The following GLRA3 variants were observed in gnomAD, a reference collection of about 807,000 sequenced individuals.
The protein encoded by GLRA3 is glycine receptor subunit alpha-3.
In GLRA3, 44 loss-of-function variants were observed where a neutral mutation model predicts 60.4. That is an observed-to-expected ratio of 0.73 (90% CI 0.57 to 0.94). The LOEUF (loss-of-function observed/expected upper bound fraction) is 0.94, where lower values mean the gene tolerates loss of function less well. Ranked by LOEUF, GLRA3 falls within the 40% of genes least tolerant of loss-of-function variation. GLRA3 has a pLI of 0.00. For synonymous variants in GLRA3, 223 were observed against 192.9 expected, an observed-to-expected ratio of 1.16 and a Z score of -1.29; for missense variants, 508 against 564.6, an observed-to-expected ratio of 0.90 and a Z score of 1.02.
chr4:174,679,557 G>T (rs979461253), intron 6 of GLRA3, among the ~76,000 whole-genome samples: 3 of 152,046 alleles, frequency 2.0e-5, no homozygotes, highest in Non-Finnish European at 4.4e-5. Context: ...CCAAAAGAAA[G>T]AAAATCAGTG....
chr4:174,698,108 A>G (rs1476316218), intron 5 of GLRA3, among the ~76,000 whole-genome samples: 1 of 152,130 alleles, frequency 6.6e-6, no homozygotes, highest in Non-Finnish European at 1.5e-5. Flanking sequence ...CACTTTAGCA[A>G]TATCTGAAAG....
chr4:174,741,701 C>T (rs1737033557), intron 3 of GLRA3, among the ~76,000 whole-genome samples: 1 of 152,046 alleles, frequency 6.6e-6, no homozygotes, highest in Non-Finnish European at 1.5e-5. Flanking sequence ...TTGTTTTCTT[C>T]TAATCATTTT....
chr4:174,757,394 C>G (rs545570910), intron 3 of GLRA3, among the ~76,000 whole-genome samples: 1 of 152,160 alleles, frequency 6.6e-6, no homozygotes, highest in Non-Finnish European at 1.5e-5. Flanking sequence ...CTACCATTCT[C>G]CAATTAAAAG....
In GLRA3 at chr4:174,740,269, T is replaced by G. The variant is rs866184738; in HGVS notation, c.268-11571A>C. 5.9e-5 allele frequency among the ~76,000 whole-genome samples: 9 copies of G among 152,306 alleles called. No homozygotes were observed. The Middle Eastern group carries it at 0.01, about 173-fold the overall frequency. Reference sequence around the variant, plus strand: ...GTCAGATTAAAGATGTCCTATGGGTTGTAAGAATCCTCAAAGCTTTTACCC... The same window carrying G: ...GTCAGATTAAAGATGTCCTATGGGTGGTAAGAATCCTCAAAGCTTTTACCC... On this transcript the variant is annotated intron_variant, in intron 3 of 9. Coordinates refer to ENST00000274093, the MANE Select transcript of GLRA3 (RefSeq NM_006529.4).
At chr4:174,668,020 CT>C (rs1733746580) in intron 7 of GLRA3, among the ~76,000 whole-genome samples, 1 of 152,056 alleles carries the variant, frequency 6.6e-6, no homozygotes, top group Non-Finnish European at 1.5e-5. Flanking sequence ...CTAGTGCTGT[CT>C]TGTGACAGAG....
chr4:174,805,038 C>CT (rs929624324), intron 1 of GLRA3, among the ~76,000 whole-genome samples: 39 of 152,150 alleles, frequency 2.6e-4, no homozygotes, highest in African/African-American at 9.2e-4. Flanking sequence ...ATTGGCACAG[C>CT]TGTCGGCATT....
At chr4:174,668,029 G>C (rs1733746877) in intron 7 of GLRA3, among the ~76,000 whole-genome samples, 1 of 152,068 alleles carries the variant, frequency 6.6e-6, no homozygotes, top group South Asian at 2.1e-4. Context: ...TCTTGTGACA[G>C]AGTTCTCGTG....
rs980137134 is a variant in GLRA3, at chr4:174,728,488, G to A, written c.478C>T (p.Leu160Phe). 1.3e-6 allele frequency: 2 copies of A among 1,579,352 alleles called. No individual in the cohort carries two copies. The highest frequency in any genetic ancestry group is 2.2e-5 in the East Asian group (1 of 44,722). Residue 160 changes from leucine (L) to phenylalanine (F), a missense_variant, in exon 4 of 10, where the codon CTT becomes TTT. This residue lies in a region of GLRA3 where 329 missense variants were observed against 349.3 expected (regional missense o/e 0.94). Transcript: ENST00000274093. ...LLRIFKNGNV[L>F]YSIRLTLTLS... ...TCCACGACTCACCTTATTGAATAAAGAACATTTCCATTTTTGAAAATTCTT... is the reference window on the plus strand; with the variant it reads ...TCCACGACTCACCTTATTGAATAAAAAACATTTCCATTTTTGAAAATTCTT...
At chr4:174,817,137 T>C (rs969523778) in intron 1 of GLRA3, among the ~76,000 whole-genome samples, 2 of 152,150 alleles carry the variant, frequency 1.3e-5, no homozygotes, top group Non-Finnish European at 2.9e-5. Context: ...TATTTACAAC[T>C]TCTTGGCCAG....
intron 3 of GLRA3, among the ~76,000 whole-genome samples, chr4:174,732,160 T>C (rs776617160): frequency 6.6e-6 from 1 of 152,054 alleles, no homozygotes; most frequent in Non-Finnish European, 1.5e-5. Context: ...ACAGAGACCA[T>C]CCTGGCCAAC....
At chr4:174,798,720 G>C (rs569436687) in intron 1 of GLRA3, among the ~76,000 whole-genome samples, 21 of 152,178 alleles carry the variant, frequency 1.4e-4, no homozygotes, top group Non-Finnish European at 2.4e-4. Context: ...GTCAGTAGAC[G>C]GAGACCATCC....
chr4:174,643,967 T>G lies in GLRA3; in HGVS notation c.1214A>C (p.His405Pro). ...KDGMTPKGPNHPVQVMPKSPD... is the reference protein window; with the variant it reads ...KDGMTPKGPNPPVQVMPKSPD... ...ACTTTTTGGCATTACCTGGACAGGG[T>G]GGTTGGGGCCCTTTGGAGTCATGCC... The change falls in exon 10 of 10, where the codon CAC becomes CCC. Residue 405 changes from histidine (H) to proline (P), a missense_variant. His to Pro is a moderately conservative substitution (Grantham distance 77). Around this residue, in one of 3 missense-constraint regions of GLRA3, gnomAD observed 176 missense variants for 197.9 expected, o/e 0.89. Coordinates refer to ENST00000274093, the MANE Select transcript of GLRA3 (RefSeq NM_006529.4). The G allele has an allele frequency of 6.2e-7, 1 of 1,613,824 alleles. No individual in the cohort carries two copies. The highest frequency in any genetic ancestry group is 8.5e-7 in the Non-Finnish European group (1 of 1,179,832).
intron 2 of GLRA3, among the ~76,000 whole-genome samples, chr4:174,781,464 C>G (rs1252477022): frequency 2.9e-5 from 4 of 138,484 alleles, no homozygotes. Flanking sequence ...TAACTAAAAT[C>G]AGAGCAGAAC....
Position 174,804,398 on chromosome 4 carries a change from A to G in GLRA3, c.72-15455T>C, listed in dbSNP as rs188975086. 5.0e-3 allele frequency among the ~76,000 whole-genome samples: 756 copies of G among 152,274 alleles called. 5 individuals are homozygous for G. The highest frequency in any genetic ancestry group is 0.017 in the African/African-American group (688 of 41,556). ...GTGCCTTACAGATCATATTATGGACATGTATCTTCATAGCCCCATTAAGAG... is the reference window on the plus strand; with the variant it reads ...GTGCCTTACAGATCATATTATGGACGTGTATCTTCATAGCCCCATTAAGAG... On this transcript the variant is annotated intron_variant, in intron 1 of 9. Transcript: ENST00000274093.
At chr4:174,697,163 G>C (rs1475190773) in intron 5 of GLRA3, among the ~76,000 whole-genome samples, 1 of 152,190 alleles carries the variant, frequency 6.6e-6, no homozygotes, top group Non-Finnish European at 1.5e-5. Context: ...AATGTGGGCT[G>C]TGAATACACT....
chr4:174,815,333 G>C (rs532394496), intron 1 of GLRA3, among the ~76,000 whole-genome samples: 1 of 152,276 alleles, frequency 6.6e-6, no homozygotes, highest in African/African-American at 2.4e-5. Flanking sequence ...AGCTTTTCCA[G>C]GTGCTCAGAG....
At chr4:174,798,651 G>A (rs13139930) in intron 1 of GLRA3, among the ~76,000 whole-genome samples, 270 of 152,314 alleles carry the variant, frequency 1.8e-3, no homozygotes, top group Non-Finnish European at 2.8e-3. Flanking sequence ...AAGGCTGGGC[G>A]CGGTGGCTCA....
intron 2 of GLRA3, among the ~76,000 whole-genome samples, chr4:174,770,924 C>G (rs1400675174): frequency 1.3e-5 from 2 of 151,856 alleles, no homozygotes; most frequent in Non-Finnish European, 2.9e-5. Context: ...GAGTTCATGT[C>G]CTTTGTAGGG....
chr4:174,721,788 T>C (rs1736139773), intron 4 of GLRA3, among the ~76,000 whole-genome samples: 1 of 149,624 alleles, frequency 6.7e-6, no homozygotes, highest in Non-Finnish European at 1.5e-5. Flanking sequence ...TGTGTGTATA[T>C]ATACATATAG....
Sources: allele counts gnomAD v4.1 joint callset (sites outside exome capture counted in the v4.1 genomes callset), GRCh38; gene constraint gnomAD v4.1.1; regional missense constraint gnomAD v4.1.1; transcripts MANE v1.5; gene names NCBI Gene and HGNC (gene_info 2026-07-23, HGNC 2026-07-21).